Variants in CTNNA3 observed in about 807,000 individuals in gnomAD.
CTNNA3 encodes the protein catenin alpha 3, also known as catenin alpha-3.
Under a neutral mutation model 95.7 loss-of-function variants are expected in CTNNA3, and 76 were observed. That is an observed-to-expected ratio of 0.79 (90% CI 0.66 to 0.96). The LOEUF is 0.96. Among genes scored for constraint, CTNNA3 ranks in the 40% least tolerant of loss-of-function variants. The pLI, the probability that CTNNA3 is intolerant of heterozygous loss-of-function variation, is 0.00. For synonymous variants in CTNNA3, 431 were observed against 374.4 expected, an observed-to-expected ratio of 1.15 and a Z score of -1.74; for missense variants, 1,191 against 1,089.8, an observed-to-expected ratio of 1.09 and a Z score of -1.31.
chr10:67,406,957 A>G (rs1157562788), intron 5 of CTNNA3, among the ~76,000 whole-genome samples: 1 of 152,200 alleles, frequency 6.6e-6, no homozygotes, highest in Non-Finnish European at 1.5e-5. Flanking sequence ...GCCCATAACC[A>G]GATGGATTCA....
At chr10:66,736,786 AGAGAGATGT>A (rs1275548605) in intron 9 of CTNNA3, among the ~76,000 whole-genome samples, 1 of 152,060 alleles carries the variant, frequency 6.6e-6, no homozygotes, top group Non-Finnish European at 1.5e-5. Flanking sequence ...CAGTGTTTTC[AGAGAGATGT>A]GGTCTTACAA....
In CTNNA3 at chr10:67,606,445, A is replaced by G. The variant is rs578103141; in HGVS notation, c.292+412T>C. ...CAGAAATTTGCAAGGTTAAAAATGT[A>G]CTTCTGAGATGGTCAGGTCTGAAAC... On this transcript the variant is annotated intron_variant, in intron 3 of 17. Coordinates refer to ENST00000433211, the MANE Select transcript of CTNNA3 (RefSeq NM_013266.4). Among the ~76,000 whole-genome samples the G allele has an allele frequency of 5.3e-5, 8 of 152,358 alleles. No homozygotes were observed. The South Asian group carries it at 1.7e-3, about 32-fold the overall frequency.
upstream of CTNNA3, among the ~76,000 whole-genome samples, chr10:67,699,986 T>C (rs1841022785): frequency 6.6e-6 from 1 of 152,202 alleles, no homozygotes; most frequent in Admixed American, 6.5e-5. Flanking sequence ...GCACATGCTT[T>C]GGAGGGTCCT....
At chr10:66,994,358 C>T (rs1273251137) in intron 7 of CTNNA3, among the ~76,000 whole-genome samples, 1 of 152,190 alleles carries the variant, frequency 6.6e-6, no homozygotes, top group African/African-American at 2.4e-5. Flanking sequence ...AAATTTGCTT[C>T]TACATTAGGT....
intron 7 of CTNNA3, among the ~76,000 whole-genome samples, chr10:66,847,468 T>C (rs940924141): frequency 8.5e-5 from 13 of 152,216 alleles, no homozygotes; most frequent in Admixed American, 3.3e-4. Flanking sequence ...GCTAAAAGTA[T>C]AGCCTTTGTA....
intron 9 of CTNNA3, among the ~76,000 whole-genome samples, chr10:66,709,761 C>T (rs774107416): frequency 9.2e-5 from 14 of 151,898 alleles, no homozygotes; most frequent in African/African-American, 1.5e-4. Flanking sequence ...TCTTTAAGAC[C>T]CCTTGGGCTT....
intron 5 of CTNNA3, among the ~76,000 whole-genome samples, chr10:67,242,499 AGG>A (rs1391334885): frequency 2.0e-5 from 3 of 152,234 alleles, no homozygotes; most frequent in African/African-American, 7.2e-5. Context: ...AAGCGTGAAT[AGG>A]GCAGATGAAA....
At chr10:66,347,819 A>G (rs1412145235) in intron 12 of CTNNA3, among the ~76,000 whole-genome samples, 1 of 152,106 alleles carries the variant, frequency 6.6e-6, no homozygotes, top group Non-Finnish European at 1.5e-5. Flanking sequence ...TGAATAAAGA[A>G]TATGGTGGAT....
At chr10:65,958,208 T>C (rs2077771336) in intron 17 of CTNNA3, among the ~76,000 whole-genome samples, 1 of 152,166 alleles carries the variant, frequency 6.6e-6, no homozygotes, top group Non-Finnish European at 1.5e-5. Flanking sequence ...TGCCATGTAG[T>C]TCTCGTGCCA....
At chr10:66,636,800 T>C (rs1379724391) in intron 9 of CTNNA3, among the ~76,000 whole-genome samples, 1 of 152,072 alleles carries the variant, frequency 6.6e-6, no homozygotes, top group African/African-American at 2.4e-5. Context: ...GAAGAGAAGA[T>C]GGGGAAAAAG....
chr10:66,266,759 G>T (rs1279372353), intron 13 of CTNNA3, among the ~76,000 whole-genome samples: 1 of 151,860 alleles, frequency 6.6e-6, no homozygotes, highest in East Asian at 1.9e-4. Context: ...ATACAAAAAC[G>T]CTTGTTCCAA....
intron 13 of CTNNA3, among the ~76,000 whole-genome samples, chr10:66,224,810 C>T (rs576304597): frequency 6.6e-6 from 1 of 152,166 alleles, no homozygotes; most frequent in East Asian, 1.9e-4. Context: ...AATTCATAGT[C>T]CTTACAGTTT....
At chr10:66,588,125 G>T (rs374236265) in intron 10 of CTNNA3, among the ~76,000 whole-genome samples, 3 of 151,928 alleles carry the variant, frequency 2.0e-5, no homozygotes, top group Non-Finnish European at 4.4e-5. Flanking sequence ...TCCTGATACC[G>T]CTTCTTCTCA....
intron 15 of CTNNA3, among the ~76,000 whole-genome samples, chr10:66,020,668 A>ATTTTTTTTTTTTTT (rs10687414): frequency 7.3e-6 from 1 of 136,700 alleles, no homozygotes; most frequent in African/African-American, 2.7e-5. Context: ...GATGATCTGA[A>ATTTTTTTTTTTTTT]TTTTTTTTTT....
At chr10:67,370,160 G>A (rs1843366596) in intron 5 of CTNNA3, among the ~76,000 whole-genome samples, 1 of 152,078 alleles carries the variant, frequency 6.6e-6, no homozygotes, top group Admixed American at 6.5e-5. Context: ...ATTTTGGTAT[G>A]TCTATATAAT....
intron 7 of CTNNA3, among the ~76,000 whole-genome samples, chr10:67,140,489 G>T: frequency 1.3e-5 from 2 of 152,008 alleles, no homozygotes; most frequent in East Asian, 1.9e-4. Context: ...ATATATACAT[G>T]ACTGAAATTT....
chr10:66,373,695 C>T (rs114897941), intron 12 of CTNNA3, among the ~76,000 whole-genome samples: 39 of 152,180 alleles, frequency 2.6e-4, no homozygotes, highest in African/African-American at 8.4e-4. Flanking sequence ...GGAGGAAATT[C>T]GCCAACAATG....
chr10:66,980,305 T>G (rs1022427330), intron 7 of CTNNA3, among the ~76,000 whole-genome samples: 2 of 152,180 alleles, frequency 1.3e-5, no homozygotes, highest in Non-Finnish European at 2.9e-5. Context: ...TCAACAAAGA[T>G]AATTCTTTCA....
At chr10:67,472,688 G>A (rs943475964) in intron 5 of CTNNA3, among the ~76,000 whole-genome samples, 1 of 152,114 alleles carries the variant, frequency 6.6e-6, no homozygotes, top group Non-Finnish European at 1.5e-5. Context: ...AACCAATGAC[G>A]AGCCTGGGAC....
Sources: allele counts gnomAD v4.1 joint callset (sites outside exome capture counted in the v4.1 genomes callset), GRCh38; gene constraint gnomAD v4.1.1; transcripts MANE v1.5; gene names NCBI Gene and HGNC (gene_info 2026-07-23, HGNC 2026-07-21).